The following DPP8 variants were observed in gnomAD, a reference collection of about 807,000 sequenced individuals.
DPP8 encodes the protein DPP VIII.
In DPP8, 31 loss-of-function variants were observed where a neutral mutation model predicts 107.5. The ratio of observed to expected loss-of-function variants is 0.29; its 90% CI spans 0.22 to 0.39. The LOEUF (loss-of-function observed/expected upper bound fraction) is 0.39. DPP8 is among the 10% of genes least tolerant of loss of function. The probability of loss-of-function intolerance (pLI) is 1.00; values close to 1 mark genes in which losing one functional copy is unlikely to be tolerated. For synonymous variants in DPP8, 381 were observed against 356.6 expected, an observed-to-expected ratio of 1.07 and a Z score of -0.77; for missense variants, 842 against 1,076.1, an observed-to-expected ratio of 0.78 and a Z score of 3.04.
rs1596159957 is a variant in DPP8 at position 65,512,655 on chromosome 15, TG to T, written c.-11-92del. ...GAGGGTCAAAAAAAAAGCGGGGGAGTGGGGAGGGCAAGAAAAAAATGCTTTT... is the reference window on the plus strand; with the variant it reads ...GAGGGTCAAAAAAAAAGCGGGGGAGTGGGAGGGCAAGAAAAAAATGCTTTT... On this transcript the variant is annotated intron_variant, in intron 1 of 19. Transcript: ENST00000300141. The T allele has an allele frequency of 9.8e-6, 14 of 1,421,862 alleles. No individual in the cohort carries two copies. The East Asian group carries it at 2.7e-4, about 28-fold the overall frequency. 88.1% of individuals were successfully genotyped at this position (1,421,862 alleles called of 1,614,324 possible). A position where few individuals can be genotyped will look rare whatever the true frequency, so the allele number is the denominator to read the frequency against.
chr15:65,463,946 T>C (rs1444534362), intron 14 of DPP8, 40 bp from the exon 15 acceptor site: 1 of 1,429,370 alleles, frequency 7.0e-7, no homozygotes, highest in East Asian at 2.5e-5. Context: ...AAAAGAGTTC[T>C]TATGGGAGTG....
At chr15:65,463,992 T>C in intron 14 of DPP8, 86 bp from the exon 15 acceptor site, 2 of 1,063,506 alleles carry the variant, frequency 1.9e-6, no homozygotes, top group Non-Finnish European at 2.6e-6. Context: ...ATATTAAAAG[T>C]CAGCCCCGCC....
At position 65,485,115 on chromosome 15, in the gene DPP8, A is replaced by G; in HGVS notation, c.1001T>C (p.Ile334Thr). ...TATACTTACCCTTCCTTCAGCATCA[A>G]TCATTATTTCTGACATCTTAAAAGT... is the stretch of plus-strand genomic sequence containing the variant. ...KVTFKMSEIM[I>T]DAEGRIIDVI... The change falls in exon 8 of 20, where the codon ATT (isoleucine) becomes ACT (threonine). Residue 334 changes from isoleucine to threonine, a missense_variant. Physicochemically the swap from Ile to Thr is moderately conservative, Grantham distance 89. Coordinates refer to ENST00000300141, the MANE Select transcript of DPP8 (RefSeq NM_130434.5). 1 of 1,610,306 alleles carries G rather than the reference A, an allele frequency of 6.2e-7. No homozygotes were observed. Among genetic ancestry groups the G allele is most frequent in the Non-Finnish European group, 8.5e-7 (1 of 1,176,500 alleles).
chr15:65,447,033 CAAAAAA>C, intron 19 of DPP8, 27 bp from the exon 20 acceptor site: 1 of 1,178,314 alleles, frequency 8.5e-7, no homozygotes, highest in Non-Finnish European at 1.1e-6. Flanking sequence ...AATAAAGATA[CAAAAAA>C]AAAAAAGAAT....
rs192889990 is a variant in DPP8 at position 65,474,199 on chromosome 15, A to G, written c.1536+10T>C. ...CTGACCAAACATATCAGTAGAATAA[A>G]ATAACATACATTAGATCCATGCCGG... is the stretch of plus-strand genomic sequence containing the variant. On this transcript the variant is annotated intron_variant, in intron 12 of 19. Transcript: ENST00000300141. 6.8e-5 allele frequency: 108 copies of G among 1,593,168 alleles called. 1 individual carries two copies. The East Asian group carries it at 1.9e-3, about 28-fold the overall frequency.
chr15:65,448,872 A>ATGTGTGTGTGTGTGTG (rs1422546535), intron 19 of DPP8, among the ~76,000 whole-genome samples: 3 of 8,356 alleles, frequency 3.6e-4, no homozygotes, highest in African/African-American at 1.4e-3. Context: ...TAAAATATAT[A>ATGTGTGTGTGTGTGTG]TATATATATA....
intron 3 of DPP8, among the ~76,000 whole-genome samples, chr15:65,506,617 T>C (rs1267929202): frequency 3.0e-5 from 4 of 134,666 alleles, no homozygotes; most frequent in African/African-American, 5.6e-5. Context: ...TGTAAACATA[T>C]ATACATATAA....
chr15:65,480,391 G>C lies in DPP8; in HGVS notation c.1127C>G (p.Ser376Cys). The C allele has an allele frequency of 6.2e-7, 1 of 1,600,716 alleles. No homozygotes were observed. Among genetic ancestry groups the C allele is most frequent in the African/African-American group, 1.3e-5 (1 of 74,346 alleles). ...AGTCTGGGAGCGATCTAGTAGGATG[G>C]ACCAAGCACTATTTAAATAAATAAA... ...GWTPEGKYAW[S>C]ILLDRSQTRL... Residue 376 changes from serine (S) to cysteine (C), a missense_variant, in exon 10 of 20, where the codon TCC becomes TGC. Coordinates refer to ENST00000300141, the MANE Select transcript of DPP8 (RefSeq NM_130434.5).
At chr15:65,499,220 C>T (rs1020740407) in intron 4 of DPP8, among the ~76,000 whole-genome samples, 3 of 151,584 alleles carry the variant, frequency 2.0e-5, no homozygotes, top group Non-Finnish European at 4.4e-5. Context: ...AATTGATGCC[C>T]GTTACCTTTC....
chr15:65,502,018 T>G lies in DPP8; in HGVS notation c.373-1239A>C, dbSNP rs144747549. On this transcript the variant is annotated intron_variant, in intron 3 of 19. Transcript: ENST00000300141. ...GATTCTCATGCCTCAGCCTCCTGAG[T>G]AGGTGGGATTACACACTTGTGCCAC... 5.9e-4 allele frequency among the ~76,000 whole-genome samples: 90 copies of G among 152,206 alleles called. No individual in the cohort carries two copies. The Middle Eastern group carries it at 0.02, about 35-fold the overall frequency.
rs2140266918 is a variant in DPP8, at chr15:65,442,932, T to C, written c.*3952A>G. 1 of 152,288 alleles carries C rather than the reference T, an allele frequency of 6.6e-6. No homozygotes were observed. The highest frequency in any genetic ancestry group is 6.5e-5 in the Admixed American group (1 of 15,286). 9.4% of individuals were successfully genotyped at this position (152,288 alleles called of 1,614,324 possible). On this transcript the variant is annotated 3_prime_UTR_variant, in exon 20 of 20. Transcript: ENST00000300141. ...TTTAGAAATGGCCATGTCTCTTTTC[T>C]TACATCAAATAGCTATAAAGATGGG...
chr15:65,466,844 G>T (rs371508113), intron 13 of DPP8, 31 bp from the exon 14 acceptor site: 1 of 1,600,152 alleles, frequency 6.2e-7, no homozygotes, highest in African/African-American at 1.3e-5. Flanking sequence ...TATATTTTTC[G>T]TCAGGAAGGT....
chr15:65,483,050 T>C (rs1429653141), intron 8 of DPP8, among the ~76,000 whole-genome samples: 1 of 151,710 alleles, frequency 6.6e-6, no homozygotes, highest in Non-Finnish European at 1.5e-5. Context: ...TGAGACGAGA[T>C]CGCACCACTG....
chr15:65,460,974 C>T (rs376786115), intron 15 of DPP8, among the ~76,000 whole-genome samples: 4 of 152,198 alleles, frequency 2.6e-5, no homozygotes, highest in African/African-American at 9.7e-5. Context: ...TCCAATTCCT[C>T]TACATCTTGT....
At chr15:65,514,962 G>A (rs1043406488) in intron 1 of DPP8, among the ~76,000 whole-genome samples, 2 of 152,150 alleles carry the variant, frequency 1.3e-5, no homozygotes, top group Non-Finnish European at 2.9e-5. Flanking sequence ...AACAGAATAG[G>A]GAAGCTCAAC....
intron 5 of DPP8, among the ~76,000 whole-genome samples, 194 bp from the exon 6 acceptor site, chr15:65,490,493 C>G (rs2067918599): frequency 6.6e-6 from 1 of 152,100 alleles, no homozygotes; most frequent in Non-Finnish European, 1.5e-5. Context: ...ACTGCAGTAT[C>G]CCATTTGTAA....
At chr15:65,498,621 T>A (rs1001269154) in intron 4 of DPP8, among the ~76,000 whole-genome samples, 1 of 152,194 alleles carries the variant, frequency 6.6e-6, no homozygotes, top group African/African-American at 2.4e-5. Flanking sequence ...GAGTAATTAC[T>A]GTTCATTAAA....
At chr15:65,483,222 G>A (rs1381059058) in intron 8 of DPP8, among the ~76,000 whole-genome samples, 1 of 151,742 alleles carries the variant, frequency 6.6e-6, no homozygotes, top group Non-Finnish European at 1.5e-5. Context: ...ACTGCTGGTG[G>A]GAATATAATA....
chr15:65,457,403 T>G (rs2064524923), intron 15 of DPP8, among the ~76,000 whole-genome samples: 1 of 151,170 alleles, frequency 6.6e-6, no homozygotes, highest in African/African-American at 2.4e-5. Context: ...AGAGATGGGG[T>G]CTCCAGGCTG....
Sources: gnomAD v4.1 joint callset for allele counts (sites outside exome capture counted in the v4.1 genomes callset) on GRCh38, gnomAD v4.1.1 for gene constraint, MANE v1.5 for transcripts, NCBI Gene and HGNC (gene_info 2026-07-23, HGNC 2026-07-21) for gene names.